Variants in SCIN observed in about 807,000 individuals in gnomAD.
SCIN encodes the protein scinderin, also known as adseverin.
Under a neutral mutation model 91.8 loss-of-function variants are expected in SCIN, and 91 were observed. The observed-to-expected ratio is 0.99, with a 90% CI of 0.84 to 1.18. SCIN has a LOEUF of 1.18. Among genes scored for constraint, SCIN ranks in the 50% most tolerant of loss-of-function variants. SCIN has a pLI of 0.00. For missense variants in SCIN, 1,087 were observed against 863.9 expected (o/e 1.26, Z -3.24); for synonymous variants, 367 against 312.6 (o/e 1.17, Z -1.84).
intron 15 of SCIN, 26 bp from the exon 16 acceptor site, chr7:12,652,562 T>G (rs1784102822): frequency 6.2e-7 from 1 of 1,607,598 alleles, no homozygotes; most frequent in African/African-American, 1.3e-5. Context: ...CTAACTGAAT[T>G]TATATGTCTT....
chr7:12,644,436 G>T lies in SCIN; in HGVS notation c.1759+121G>T, dbSNP rs534517542. On this transcript the variant is annotated intron_variant, in intron 12 of 15. Transcript: ENST00000297029. ...ATAAGGGTTAACAATCTCTCCATTA[G>T]TTGCAGAGGTGGGTGGGTGATGGTA... 27 of 1,427,328 alleles carry T rather than the reference G, an allele frequency of 1.9e-5. No homozygotes were observed. In the African/African-American group the frequency reaches 3.7e-4, roughly 20 times the overall value. The allele number at this position is 1,427,328 out of a possible 1,614,324, so 88.4% of individuals were successfully genotyped here. A position where few individuals can be genotyped will look rare whatever the true frequency, so the allele number is the denominator to read the frequency against.
intron 3 of SCIN, among the ~76,000 whole-genome samples, chr7:12,581,787 C>G (rs1354887429): frequency 2.0e-5 from 3 of 152,168 alleles, no homozygotes; most frequent in Non-Finnish European, 4.4e-5. Context: ...AGACGCTCCT[C>G]TAATATCAGG....
intron 9 of SCIN, among the ~76,000 whole-genome samples, chr7:12,633,897 A>T (rs1315955562): frequency 1.3e-5 from 2 of 151,794 alleles, no homozygotes; most frequent in African/African-American, 2.4e-5. Context: ...ACATTAAAAC[A>T]CTACGTTTTT....
chr7:12,587,478 A>G (rs1418757972), intron 3 of SCIN, among the ~76,000 whole-genome samples: 2 of 152,210 alleles, frequency 1.3e-5, no homozygotes, highest in Non-Finnish European at 2.9e-5. Flanking sequence ...TCTGTTCCCC[A>G]GACATTTGCT....
chr7:12,624,997 GT>G lies in SCIN; in HGVS notation c.760-8del. 6.4e-7 allele frequency: 1 copy of G among 1,550,582 alleles called. No homozygotes were observed. Among genetic ancestry groups the G allele is most frequent in the Admixed American group, 2.0e-5 (1 of 50,518 alleles). On this transcript the variant is annotated splice_polypyrimidine_tract_variant and intron_variant, in intron 5 of 15. Transcript: ENST00000297029. ...CCCAAATGAAAACATGGAGGTCATGGTTTTTATATTAGGTTTCAGATGCAAG... is the reference window on the plus strand; with the variant it reads ...CCCAAATGAAAACATGGAGGTCATGGTTTTATATTAGGTTTCAGATGCAAG...
chr7:12,626,175 A>G, intron 7 of SCIN: 1 of 320,508 alleles, frequency 3.1e-6, no homozygotes, highest in Non-Finnish European at 5.7e-6. Context: ...ACTTGGCCTG[A>G]AACCCAGATG....
intron 3 of SCIN, among the ~76,000 whole-genome samples, chr7:12,595,036 G>GGA (rs149702696): frequency 2.6e-5 from 4 of 151,594 alleles, no homozygotes; most frequent in East Asian, 1.9e-4. Context: ...AGGGATGATA[G>GGA]GAGAGAGAGA....
intron 4 of SCIN, among the ~76,000 whole-genome samples, chr7:12,616,367 T>C (rs1425089492): frequency 1.3e-5 from 2 of 152,136 alleles, no homozygotes; most frequent in African/African-American, 4.8e-5. Context: ...TATCTAAAAG[T>C]GAGTTTGGCC....
intron 10 of SCIN, among the ~76,000 whole-genome samples, chr7:12,637,235 G>A (rs909862106): frequency 1.3e-5 from 2 of 152,204 alleles, no homozygotes; most frequent in African/African-American, 2.4e-5. Context: ...AACAAGCACA[G>A]ATTAACAATT....
intron 1 of SCIN, chr7:12,571,658 A>T: frequency 2.2e-6 from 1 of 445,862 alleles, no homozygotes. Context: ...TTATATACAA[A>T]TAAATAGCTC....
At position 12,644,280 on chromosome 7, in the gene SCIN, G is replaced by A. The variant is rs1394635432; in HGVS notation, c.1724G>A (p.Cys575Tyr). 6.3e-7 allele frequency: 1 copy of A among 1,596,878 alleles called. No individual in the cohort carries two copies. ...GAEYVASVLK[C>Y]KTLRIQEGEE... ...GAGTATGTAGCAAGTGTCCTAAAGTGCAAAACCTTAAGGATCCAAGAAGGC... is the reference window on the plus strand; with the variant it reads ...GAGTATGTAGCAAGTGTCCTAAAGTACAAAACCTTAAGGATCCAAGAAGGC... Residue 575 changes from cysteine (C) to tyrosine (Y), a missense_variant, in exon 12 of 16, where the codon TGC (cysteine) becomes TAC (tyrosine). By Grantham distance (194) the Cys-to-Tyr change is radical (BLOSUM62 -2). Transcript: ENST00000297029.
chr7:12,590,824 C>T (rs116705892), intron 3 of SCIN, among the ~76,000 whole-genome samples: 1,591 of 152,158 alleles, frequency 0.01, 28 homozygotes, highest in African/African-American at 0.036. Flanking sequence ...ATAGGGGTTC[C>T]TTTGGCAGTA....
rs949858579 is a variant in SCIN, at chr7:12,659,274, A to G, written c.*6559A>G. The G allele has an allele frequency of 6.6e-6, 1 of 152,204 alleles. No homozygotes were observed. The highest frequency in any genetic ancestry group is 2.4e-5 in the African/African-American group (1 of 41,446). The allele number at this position is 152,204 out of a possible 1,614,324, so 9.4% of individuals were successfully genotyped here. On this transcript the variant is annotated 3_prime_UTR_variant, in exon 16 of 16. Coordinates refer to ENST00000297029, the MANE Select transcript of SCIN (RefSeq NM_001112706.3). ...CCCAGCCCTATTTATGTTTTTTAAA[A>G]GCACCATTTACCACCCATTTGTCTA...
At chr7:12,644,392 A>G (rs1004303881) in intron 12 of SCIN, 77 bp downstream of exon 12, 2 of 1,494,940 alleles carry the variant, frequency 1.3e-6, no homozygotes, top group Non-Finnish European at 1.8e-6. Context: ...TTCACCAAAA[A>G]GTCACTTTCT....
intron 3 of SCIN, among the ~76,000 whole-genome samples, chr7:12,583,679 C>G (rs1782532152): frequency 6.6e-6 from 1 of 151,912 alleles, no homozygotes; most frequent in Non-Finnish European, 1.5e-5. Flanking sequence ...ACAGAGTTTC[C>G]ACTATGGGCC....
In SCIN at chr7:12,640,387, G is replaced by C. The variant is rs1481588722; in HGVS notation, c.1451G>C (p.Ser484Thr). Residue 484 changes from serine to threonine, a missense_variant, in exon 11 of 16, where the codon AGT becomes ACT. Coordinates refer to ENST00000297029, the MANE Select transcript of SCIN (RefSeq NM_001112706.3). Reference sequence around the variant, plus strand: ...GGCAAAGAGCCTGTTCACCTACTGAGTTTGTTCAAAGACAAACCGCTCATT... The same window carrying C: ...GGCAAAGAGCCTGTTCACCTACTGACTTTGTTCAAAGACAAACCGCTCATT... ...SQGKEPVHLL[S>T]LFKDKPLIIY... is the part of the protein sequence containing the mutation. The C allele has an allele frequency of 6.2e-7, 1 of 1,611,852 alleles. No individual in the cohort carries two copies. The highest frequency in any genetic ancestry group is 8.5e-7 in the Non-Finnish European group (1 of 1,179,006).
intron 14 of SCIN, among the ~76,000 whole-genome samples, chr7:12,650,839 C>G (rs1784064595): frequency 6.6e-6 from 1 of 152,142 alleles, no homozygotes; most frequent in African/African-American, 2.4e-5. Context: ...GAGAAAAACA[C>G]TAACCTTAAA....
At chr7:12,647,457 G>C (rs1783989027) in intron 13 of SCIN, among the ~76,000 whole-genome samples, 1 of 152,170 alleles carries the variant, frequency 6.6e-6, no homozygotes, top group Non-Finnish European at 1.5e-5. Context: ...CTGCCCATGT[G>C]CTGTCACTTA....
intron 9 of SCIN, among the ~76,000 whole-genome samples, chr7:12,633,290 G>A (rs973927671): frequency 2.6e-5 from 4 of 152,276 alleles, no homozygotes; most frequent in Non-Finnish European, 5.9e-5. Flanking sequence ...AGATGACAAT[G>A]ATGAATCTCT....
Sources: gnomAD v4.1 joint callset for allele counts (sites outside exome capture counted in the v4.1 genomes callset) on GRCh38, gnomAD v4.1.1 for gene constraint, MANE v1.5 for transcripts, NCBI Gene and HGNC (gene_info 2026-07-23, HGNC 2026-07-21) for gene names.